The following INPP5A variants were observed in gnomAD, a reference collection of about 807,000 sequenced individuals.
The protein encoded by INPP5A is inositol polyphosphate-5-phosphatase A.
In INPP5A, 14 loss-of-function variants were observed where a neutral mutation model predicts 65.2. That is an observed-to-expected ratio of 0.21 (90% CI 0.14 to 0.34). The LOEUF (loss-of-function observed/expected upper bound fraction) is 0.34. Among genes scored for constraint, INPP5A ranks in the 10% least tolerant of loss-of-function variants. The pLI is 1.00. For missense variants in INPP5A, 431 were observed against 545.6 expected (o/e 0.79, Z 2.09); for synonymous variants, 207 against 208.3 (o/e 0.99, Z 0.05).
chr10:132,636,782 T>C (rs1301638758), intron 2 of INPP5A, among the ~76,000 whole-genome samples: 1 of 152,234 alleles, frequency 6.6e-6, no homozygotes, highest in Non-Finnish European at 1.5e-5. Context: ...TGAAGGATGC[T>C]TTGCTGGATA....
At chr10:132,639,972 A>G (rs1399822642) in intron 2 of INPP5A, among the ~76,000 whole-genome samples, 17 of 152,062 alleles carry the variant, frequency 1.1e-4, no homozygotes, top group Admixed American at 1.1e-3. Flanking sequence ...ATTTATTTCA[A>G]GAGTATTTAC....
Position 132,753,641 on chromosome 10 carries a change from T to C in INPP5A, c.903+3796T>C, listed in dbSNP as rs1017744617. On this transcript the variant is annotated intron_variant, in intron 11 of 15. Coordinates refer to ENST00000368594, the MANE Select transcript of INPP5A (RefSeq NM_005539.5). The surrounding 1 kb of genome is among the most constrained non-coding windows in gnomAD (Gnocchi z 5.3). ...GTGAGGATTTGGAGAGATTAAATTT[T>C]CCTCGGCTGTCCCAGGGCCGGGCTT... 6.6e-6 allele frequency: 1 copy of C among 152,192 alleles called. No individual in the cohort carries two copies. Among genetic ancestry groups the C allele is most frequent in the Non-Finnish European group, 1.5e-5 (1 of 68,036 alleles). The allele number at this position is 152,192 out of a possible 1,614,324, so 9.4% of individuals were successfully genotyped here.
At position 132,616,202 on chromosome 10, in the gene INPP5A, C is replaced by G. The variant is rs2072030440; in HGVS notation, c.117+8246C>G. Among the ~76,000 whole-genome samples the G allele has an allele frequency of 6.6e-6, 1 of 152,230 alleles. No individual in the cohort carries two copies. The highest frequency in any genetic ancestry group is 1.5e-5 in the Non-Finnish European group (1 of 68,028). The stretch of plus-strand genomic sequence containing the variant: ...AGTCAGACCGGGAGGCAGACGGGCC[C>G]TGAAAGAACCACAGGGTGGCGTGGG... On this transcript the variant is annotated intron_variant, in intron 2 of 15. Transcript: ENST00000368594. This position sits in a 1 kb window ranked among gnomAD's most constrained non-coding sequence, Gnocchi z 4.9.
rs1057308606 is a variant in INPP5A at position 132,575,940 on chromosome 10, C to G, written c.76-31975C>G. Reference sequence around the variant, plus strand: ...TTGTGGACTGTGGAGCTGGTGGCTCCCCTCTCCTCCTGAACCACGAGTACT... The same window carrying G: ...TTGTGGACTGTGGAGCTGGTGGCTCGCCTCTCCTCCTGAACCACGAGTACT... On this transcript the variant is annotated intron_variant, in intron 1 of 15. Transcript: ENST00000368594. The surrounding 1 kb of genome is among the most constrained non-coding windows in gnomAD (Gnocchi z 5.4). Among the ~76,000 whole-genome samples the G allele has an allele frequency of 2.6e-5, 4 of 152,162 alleles. No homozygotes were observed. Among genetic ancestry groups the G allele is most frequent in the Admixed American group, 2.0e-4 (3 of 15,284 alleles).
chr10:132,758,760 C>T (rs1445284987), intron 11 of INPP5A, among the ~76,000 whole-genome samples: 1 of 152,206 alleles, frequency 6.6e-6, no homozygotes. Flanking sequence ...AAGCCTTAGA[C>T]CGTCCTTTGT....
chr10:132,764,472 G>GC (rs1373909910), intron 11 of INPP5A, among the ~76,000 whole-genome samples: 1 of 147,856 alleles, frequency 6.8e-6, no homozygotes, highest in African/African-American at 2.6e-5. Context: ...CAGAAACACG[G>GC]TCGGGTCAGT....
At chr10:132,664,641 C>T (rs756140035) in intron 4 of INPP5A, among the ~76,000 whole-genome samples, 3 of 152,232 alleles carry the variant, frequency 2.0e-5, no homozygotes, top group African/African-American at 2.4e-5. Flanking sequence ...CTCACAGCCA[C>T]GTCTGCTGGG....
chr10:132,773,316 T>C (rs1169526026), intron 12 of INPP5A, among the ~76,000 whole-genome samples: 1 of 151,962 alleles, frequency 6.6e-6, no homozygotes, highest in Non-Finnish European at 1.5e-5. Context: ...CTCTCAGAGG[T>C]GGGAGAGGGA....
rs1002817360 is a variant in INPP5A at position 132,549,691 on chromosome 10, C to T, written c.75+11520C>T. ...GTCCTGGAGCTCTGCAGCTGCAGGG[C>T]GGGAGCCGGGGCTTCCGTGAGGCTC... On this transcript the variant is annotated intron_variant, in intron 1 of 15. Coordinates refer to ENST00000368594, the MANE Select transcript of INPP5A (RefSeq NM_005539.5). This position sits in a 1 kb window ranked among gnomAD's most constrained non-coding sequence, Gnocchi z 4.9. 5.3e-5 allele frequency among the ~76,000 whole-genome samples: 8 copies of T among 152,192 alleles called. No homozygotes were observed. The highest frequency in any genetic ancestry group is 3.9e-4 in the Admixed American group (6 of 15,288).
intron 1 of INPP5A, among the ~76,000 whole-genome samples, chr10:132,566,269 G>A (rs1169184570): frequency 1.3e-5 from 2 of 152,184 alleles, no homozygotes; most frequent in Non-Finnish European, 2.9e-5. Flanking sequence ...TGATCGACTT[G>A]TCAAAGTTGC....
intron 1 of INPP5A, among the ~76,000 whole-genome samples, chr10:132,593,219 C>G (rs576472464): frequency 1.2e-4 from 19 of 152,302 alleles, no homozygotes; most frequent in Admixed American, 1.0e-3. Flanking sequence ...TCACCTTTGC[C>G]TCAGCCTATG....
intron 1 of INPP5A, among the ~76,000 whole-genome samples, chr10:132,594,042 C>T (rs1030323458): frequency 4.6e-5 from 7 of 152,182 alleles, no homozygotes; most frequent in African/African-American, 1.4e-4. Flanking sequence ...AAGTTTTTAA[C>T]GTGCTGCTGG....
intron 2 of INPP5A, among the ~76,000 whole-genome samples, chr10:132,641,659 AGTTT>A: frequency 6.6e-6 from 1 of 152,210 alleles, no homozygotes; most frequent in East Asian, 1.9e-4. Flanking sequence ...GCGTGGAGGT[AGTTT>A]GATTTGTGGG....
intron 1 of INPP5A, among the ~76,000 whole-genome samples, chr10:132,596,955 A>ACGTGTGCGCGTGTGTG (rs1564929090): frequency 1.7e-5 from 2 of 118,064 alleles, no homozygotes; most frequent in African/African-American, 7.6e-5. Flanking sequence ...GTGTGTGCAC[A>ACGTGTGCGCGTGTGTG]CATGTGTGCG....
rs1180915851 is a variant in INPP5A, at chr10:132,707,769, G to A, written c.475-544G>A. ...ACGTTCGGTGGCTCTGCTAGGTGGTGGGGATCAGTGAGAGGCATCGGTGGG... is the reference window on the plus strand; with the variant it reads ...ACGTTCGGTGGCTCTGCTAGGTGGTAGGGATCAGTGAGAGGCATCGGTGGG... On this transcript the variant is annotated intron_variant, in intron 6 of 15. Coordinates refer to ENST00000368594, the MANE Select transcript of INPP5A (RefSeq NM_005539.5). The surrounding 1 kb of genome is among the most constrained non-coding windows in gnomAD (Gnocchi z 5.5). Among the ~76,000 whole-genome samples, 2 of 152,078 alleles carry A rather than the reference G, an allele frequency of 1.3e-5. No homozygotes were observed. Among genetic ancestry groups the A allele is most frequent in the African/African-American group, 4.8e-5 (2 of 41,334 alleles).
At chr10:132,666,810 T>G (rs1217645252) in intron 4 of INPP5A, among the ~76,000 whole-genome samples, 1 of 152,204 alleles carries the variant, frequency 6.6e-6, no homozygotes, top group Non-Finnish European at 1.5e-5. Context: ...GCAGACCTTC[T>G]CGGCAGGCTA....
chr10:132,538,039 C>G lies in INPP5A; in HGVS notation c.-58C>G. The G allele has an allele frequency of 2.3e-6, 2 of 888,240 alleles. No individual in the cohort carries two copies. Among genetic ancestry groups the G allele is most frequent in the Non-Finnish European group, 2.7e-6 (2 of 740,024 alleles). 55.0% of individuals were successfully genotyped at this position (888,240 alleles called of 1,614,324 possible). A position where few individuals can be genotyped will look rare whatever the true frequency, so the allele number is the denominator to read the frequency against. On this transcript the variant is annotated 5_prime_UTR_variant, in exon 1 of 16. Transcript: ENST00000368594. The surrounding 1 kb of genome is among the most constrained non-coding windows in gnomAD (Gnocchi z 4.1). ...CGCGAAGACCCCGGCCGGCCGGTCC[C>G]GGAGGAAGCGGCCGCCGCCGCCGCC...
At position 132,547,605 on chromosome 10, in the gene INPP5A, C is replaced by T. The variant is rs1247575278; in HGVS notation, c.75+9434C>T. Among the ~76,000 whole-genome samples, 1 of 152,220 alleles carries T rather than the reference C, an allele frequency of 6.6e-6. No individual in the cohort carries two copies. On this transcript the variant is annotated intron_variant, in intron 1 of 15. Transcript: ENST00000368594. The surrounding 1 kb of genome is among the most constrained non-coding windows in gnomAD (Gnocchi z 5.5). The stretch of plus-strand genomic sequence containing the variant: ...GCCCTGGGCTGACCTCCCATCTCCT[C>T]CTTCTCTACCCAAGCGCCCGTGGCC...
At chr10:132,677,645 G>A (rs1019754278) in intron 4 of INPP5A, among the ~76,000 whole-genome samples, 8 of 152,214 alleles carry the variant, frequency 5.3e-5, no homozygotes, top group Admixed American at 2.0e-4. Context: ...GCTCCTCACC[G>A]TGGTAATCGG....
Sources: allele counts gnomAD v4.1 joint callset (sites outside exome capture counted in the v4.1 genomes callset), GRCh38; gene constraint gnomAD v4.1.1; non-coding constraint Gnocchi (gnomAD v3.1); transcripts MANE v1.5; gene names NCBI Gene and HGNC (gene_info 2026-07-23, HGNC 2026-07-21).